MCU: variants seen among roughly 807,000 people sequenced by gnomAD.
MCU encodes calcium uniporter protein, mitochondrial.
Under a neutral mutation model 45.2 loss-of-function variants are expected in MCU, and 12 were observed. The observed-to-expected ratio is 0.27, with a 90% CI of 0.17 to 0.43. The LOEUF is 0.43. MCU is among the 20% of genes least tolerant of loss of function. The probability of loss-of-function intolerance (pLI) is 1.00; values close to 1 mark genes in which losing one functional copy is unlikely to be tolerated. For synonymous variants in MCU, 160 were observed against 165.1 expected, an observed-to-expected ratio of 0.97 and a Z score of 0.24; for missense variants, 324 against 436.7, an observed-to-expected ratio of 0.74 and a Z score of 2.30.
In MCU at chr10:72,805,155, C is replaced by CTTTCTTTCTTTCTTTCTTTCTT. The variant is rs1359050918; in HGVS notation, c.151-29199_151-29198insTTCTTTCTTTCTTTCTTTTTCT. Among the ~76,000 whole-genome samples the CTTTCTTTCTTTCTTTCTTTCTT allele has an allele frequency of 5.5e-3, 768 of 138,838 alleles. 17 individuals carry two copies. The highest frequency in any genetic ancestry group is 0.034 in the East Asian group (157 of 4,648). The allele number at this position is 138,838 out of a possible 152,430, so 91.1% of individuals were successfully genotyped here. ...TCTTTCTTTCTTTCTTTCTTTCTTT[C>CTTTCTTTCTTTCTTTCTTTCTT]TTTCTGTCTCTCTCTCTCTCTCTTT... On this transcript the variant is annotated intron_variant, in intron 1 of 7. Transcript: ENST00000373053.
At chr10:72,741,326 CCT>C (rs1843329087) in intron 1 of MCU, among the ~76,000 whole-genome samples, 1 of 152,124 alleles carries the variant, frequency 6.6e-6, no homozygotes, top group Admixed American at 6.5e-5. Context: ...GTCTCAAACT[CCT>C]GACCTCAGGT....
chr10:72,848,590 G>A (rs534638328), intron 2 of MCU, among the ~76,000 whole-genome samples: 2 of 152,264 alleles, frequency 1.3e-5, no homozygotes, highest in Admixed American at 1.3e-4. Context: ...CACTGTTAAA[G>A]TGGCAATTAA....
intron 1 of MCU, among the ~76,000 whole-genome samples, chr10:72,723,379 TTC>T (rs1420993570): frequency 1.3e-5 from 2 of 152,166 alleles, no homozygotes; most frequent in Non-Finnish European, 1.5e-5. Flanking sequence ...AAAAATTTCT[TTC>T]TATGATAAAA....
At chr10:72,836,056 CA>C (rs1394155859) in intron 2 of MCU, among the ~76,000 whole-genome samples, 1 of 151,952 alleles carries the variant, frequency 6.6e-6, no homozygotes, top group Non-Finnish European at 1.5e-5. Context: ...TCTGTGCCAG[CA>C]CCACTCCCAG....
At chr10:72,701,164 A>G (rs73284882) in intron 1 of MCU, among the ~76,000 whole-genome samples, 8,054 of 152,292 alleles carry the variant, frequency 0.053, 719 homozygotes, top group African/African-American at 0.18. Context: ...TTGTCAGATA[A>G]TAAGAGAGCA....
intron 1 of MCU, among the ~76,000 whole-genome samples, chr10:72,735,732 T>C (rs1303712497): frequency 2.6e-5 from 4 of 152,184 alleles, no homozygotes; most frequent in Non-Finnish European, 4.4e-5. Flanking sequence ...AAGCAGAAGC[T>C]GGATGAACAC....
rs189137216 is a variant in MCU at position 72,800,215 on chromosome 10, A to G, written c.151-34144A>G. Among the ~76,000 whole-genome samples, 33 of 152,278 alleles carry G rather than the reference A, an allele frequency of 2.2e-4. No individual in the cohort carries two copies. The East Asian group carries it at 5.8e-3, about 27-fold the overall frequency. On this transcript the variant is annotated intron_variant, in intron 1 of 7. Coordinates refer to ENST00000373053, the MANE Select transcript of MCU (RefSeq NM_138357.3). ...ATGATGGTGATGCCAAACAACCACA[A>G]ATTGTCCACATGGTGGCCGAGATAG...
intron 1 of MCU, among the ~76,000 whole-genome samples, chr10:72,778,125 A>G (rs995870191): frequency 1.3e-5 from 2 of 152,208 alleles, no homozygotes; most frequent in African/African-American, 4.8e-5. Flanking sequence ...GAGTTTCCTC[A>G]AAAAACTAAA....
At chr10:72,768,028 C>T (rs1843752364) in intron 1 of MCU, among the ~76,000 whole-genome samples, 1 of 151,900 alleles carries the variant, frequency 6.6e-6, no homozygotes, top group Non-Finnish European at 1.5e-5. Context: ...ATGACTTGTA[C>T]TATCTATTAA....
At chr10:72,848,730 A>G (rs1251048751) in intron 2 of MCU, among the ~76,000 whole-genome samples, 1 of 150,972 alleles carries the variant, frequency 6.6e-6, no homozygotes, top group Non-Finnish European at 1.5e-5. Context: ...ATGTTTGTGT[A>G]TGTGTGTGTG....
chr10:72,851,890 C>A (rs1437526507), intron 2 of MCU, among the ~76,000 whole-genome samples: 1 of 152,098 alleles, frequency 6.6e-6, no homozygotes, highest in African/African-American at 2.4e-5. Flanking sequence ...AGGCCCAAGC[C>A]CAGGAATGAC....
chr10:72,810,633 A>AGGT (rs899010544), intron 1 of MCU, among the ~76,000 whole-genome samples: 28 of 99,546 alleles, frequency 2.8e-4, no homozygotes, highest in African/African-American at 4.3e-4. Flanking sequence ...ACGCCCAGCT[A>AGGT]GGTTGTTGTT....
chr10:72,819,870 A>G (rs998268707), intron 1 of MCU, among the ~76,000 whole-genome samples: 2 of 151,910 alleles, frequency 1.3e-5, no homozygotes, highest in African/African-American at 2.4e-5. Context: ...CTTAGTTGAT[A>G]GTAGTATATA....
intron 1 of MCU, among the ~76,000 whole-genome samples, chr10:72,792,578 C>A (rs183254968): frequency 6.6e-6 from 1 of 152,078 alleles, no homozygotes; most frequent in Non-Finnish European, 1.5e-5. Context: ...GAAAAACTCC[C>A]GGTTTTTGAA....
intron 1 of MCU, among the ~76,000 whole-genome samples, chr10:72,785,820 A>G (rs1189189055): frequency 6.6e-6 from 1 of 152,214 alleles, no homozygotes; most frequent in African/African-American, 2.4e-5. Flanking sequence ...GTAGAAATGG[A>G]TGAAGAAAAT....
At chr10:72,699,975 C>A (rs1016352452) in intron 1 of MCU, among the ~76,000 whole-genome samples, 2 of 151,792 alleles carry the variant, frequency 1.3e-5, no homozygotes, top group Admixed American at 6.6e-5. Context: ...CTATTCAATT[C>A]TTTTCCTACT....
chr10:72,699,524 A>G (rs1037039526), intron 1 of MCU, among the ~76,000 whole-genome samples: 1 of 152,190 alleles, frequency 6.6e-6, no homozygotes, highest in Admixed American at 6.5e-5. Flanking sequence ...GGGAAAAAAA[A>G]GAACCTTAGT....
At chr10:72,824,639 A>G (rs1844769323) in intron 1 of MCU, among the ~76,000 whole-genome samples, 1 of 152,180 alleles carries the variant, frequency 6.6e-6, no homozygotes, top group Non-Finnish European at 1.5e-5. Flanking sequence ...AGAATTCGAA[A>G]ACAAAACCAG....
intron 1 of MCU, among the ~76,000 whole-genome samples, chr10:72,827,952 G>A (rs1844822477): frequency 6.6e-6 from 1 of 152,120 alleles, no homozygotes; most frequent in African/African-American, 2.4e-5. Flanking sequence ...AGTAGTAAAT[G>A]TTGCTGATAT....
Sources: gnomAD v4.1 joint callset for allele counts (sites outside exome capture counted in the v4.1 genomes callset) on GRCh38, gnomAD v4.1.1 for gene constraint, MANE v1.5 for transcripts, NCBI Gene and HGNC (gene_info 2026-07-23, HGNC 2026-07-21) for gene names.